Variants in LTA4H observed in about 807,000 individuals in gnomAD.
LTA4H encodes leukotriene A-4 hydrolase.
LTA4H carries 59 observed loss-of-function variants against 89.8 expected under a neutral mutation model. That is an observed-to-expected ratio of 0.66 (90% CI 0.53 to 0.82). The LOEUF (loss-of-function observed/expected upper bound fraction) is 0.82, where lower values mean the gene tolerates loss of function less well. Among genes scored for constraint, LTA4H ranks in the 40% least tolerant of loss-of-function variants. The probability of loss-of-function intolerance (pLI) is 0.00; values close to 1 mark genes in which losing one functional copy is unlikely to be tolerated. For synonymous variants in LTA4H, 227 were observed against 253.1 expected, an observed-to-expected ratio of 0.90 and a Z score of 0.98; for missense variants, 617 against 727.0, an observed-to-expected ratio of 0.85 and a Z score of 1.74.
rs755739419 is a variant in LTA4H, at chr12:96,035,405, C to G, written c.115G>C (p.Ala39Pro). ...TCCTGAGACTGGACCGTGAGAGCAG[C>G]AGTCCCGGTCAGCGTCCGGCGAGTA... ...DFTRRTLTGT[A>P]ALTVQSQEDN... The change falls in exon 1 of 19, where the codon GCT (alanine) becomes CCT (proline). Residue 39 changes from alanine to proline, a missense_variant. By Grantham distance (27) the Ala-to-Pro change is conservative. Coordinates refer to ENST00000228740, the MANE Select transcript of LTA4H (RefSeq NM_000895.3). 1.9e-6 allele frequency: 3 copies of G among 1,611,264 alleles called. No homozygotes were observed. The highest frequency in any genetic ancestry group is 8.5e-7 in the Non-Finnish European group (1 of 1,178,860).
rs760236907 is a variant in LTA4H at position 96,024,551 on chromosome 12, A to G, written c.412-4T>C. The G allele has an allele frequency of 6.3e-7, 1 of 1,589,872 alleles. No individual in the cohort carries two copies. The highest frequency in any genetic ancestry group is 8.6e-7 in the Non-Finnish European group (1 of 1,159,468). ...GGATTGCTCTGCAGTGGATGGCCTG[A>G]AAAAGGGAGAAACAAGAAGAAATAG... On this transcript the variant is annotated splice_polypyrimidine_tract_variant and splice_region_variant and intron_variant, in intron 3 of 18. Coordinates refer to ENST00000228740, the MANE Select transcript of LTA4H (RefSeq NM_000895.3).
rs937243299 is a variant in LTA4H at position 96,018,667 on chromosome 12, G to A, written c.852+96C>T. ...CATATATACATTATTAGGACTCTAA[G>A]GTTCTTTACATATATATACATATTA... On this transcript the variant is annotated intron_variant, in intron 8 of 18. Transcript: ENST00000228740. The A allele has an allele frequency of 4.4e-5, 34 of 779,704 alleles. No homozygotes were observed. The East Asian group carries it at 1.0e-3, about 23-fold the overall frequency. 48.3% of individuals were successfully genotyped at this position (779,704 alleles called of 1,614,324 possible). A position where few individuals can be genotyped will look rare whatever the true frequency, so the allele number is the denominator to read the frequency against.
At chr12:96,040,908 G>A (rs548718905) in intron 1 of LTA4H, among the ~76,000 whole-genome samples, 1 of 152,270 alleles carries the variant, frequency 6.6e-6, no homozygotes, top group East Asian at 1.9e-4. Context: ...CATTATCGTG[G>A]ACAGATCTTT....
chr12:96,016,915 C>T, intron 10 of LTA4H, 129 bp downstream of exon 10: 1 of 673,464 alleles, frequency 1.5e-6, no homozygotes, highest in Non-Finnish European at 2.6e-6. Context: ...AAAAAAAAAT[C>T]CTTGCCTACC....
Position 96,018,756 on chromosome 12 carries a change from C to T in LTA4H, c.852+7G>A, listed in dbSNP as rs760143541. ...TCAATTTCAAATGAAGAAACATTTA[C>T]ACTTACCAGTAGAGTAGGAGTTACA... On this transcript the variant is annotated splice_region_variant and intron_variant, in intron 8 of 18. Coordinates refer to ENST00000228740, the MANE Select transcript of LTA4H (RefSeq NM_000895.3). 1.6e-5 allele frequency: 24 copies of T among 1,540,874 alleles called. No individual in the cohort carries two copies. The highest frequency in any genetic ancestry group is 1.1e-4 in the Admixed American group (5 of 43,516).
chr12:96,031,682 G>A (rs571646154), intron 1 of LTA4H, among the ~76,000 whole-genome samples: 4 of 152,162 alleles, frequency 2.6e-5, no homozygotes, highest in Non-Finnish European at 2.9e-5. Context: ...GCACAGGCTG[G>A]TAGGAAGCTC....
intron 2 of LTA4H, among the ~76,000 whole-genome samples, chr12:96,028,669 T>C (rs1176669297): frequency 6.6e-6 from 1 of 152,210 alleles, no homozygotes; most frequent in African/African-American, 2.4e-5. Context: ...GGCATTATCA[T>C]TGTCCCATTA....
intron 14 of LTA4H, chr12:96,011,718 T>A (rs1950303968): frequency 6.6e-6 from 1 of 152,206 alleles, no homozygotes; most frequent in Non-Finnish European, 1.5e-5. Flanking sequence ...TTATTACATC[T>A]CTGCTCAGTC....
At position 96,035,238 on chromosome 12, in the gene LTA4H, G is replaced by A. The variant is rs368643848; in HGVS notation, c.159+123C>T. The A allele has an allele frequency of 6.1e-5, 59 of 960,288 alleles. No homozygotes were observed. In the East Asian group the frequency reaches 1.2e-3, roughly 20 times the overall value. The allele number at this position is 960,288 out of a possible 1,614,324, so 59.5% of individuals were successfully genotyped here. On this transcript the variant is annotated intron_variant, in intron 1 of 18. Coordinates refer to ENST00000228740, the MANE Select transcript of LTA4H (RefSeq NM_000895.3). Reference sequence around the variant, plus strand: ...GGATGGAGGCTACAGAAGAGCAGACGGGGACGTGGGGCTAGGCAGGGGCCG... The same window carrying A: ...GGATGGAGGCTACAGAAGAGCAGACAGGGACGTGGGGCTAGGCAGGGGCCG...
chr12:96,039,107 G>A (rs191688063), upstream of LTA4H, among the ~76,000 whole-genome samples: 332 of 152,136 alleles, frequency 2.2e-3, 4 homozygotes, highest in Non-Finnish European at 3.5e-3. Context: ...GGGTAAGGCT[G>A]GGCACAGTGG....
At chr12:96,035,726 C>T (rs950666026), upstream of LTA4H, 14 of 1,321,580 alleles carry the variant, frequency 1.1e-5, no homozygotes, top group Non-Finnish European at 1.1e-5. Context: ...GCGCGGCAAG[C>T]GGGCGCTTGG....
At chr12:96,012,481 G>A (rs1303417244) in intron 14 of LTA4H, 1 of 152,544 alleles carries the variant, frequency 6.6e-6, no homozygotes, top group African/African-American at 2.4e-5. Context: ...GGAGACAAAG[G>A]CAGGTGGATT....
Position 96,018,811 on chromosome 12 carries a change from A to G in LTA4H, c.804T>C (p.Tyr268=), listed in dbSNP as rs149942316. 1,797 of 1,604,516 alleles carry G rather than the reference A, an allele frequency of 1.1e-3. 15 individuals carry two copies. The African/African-American group carries it at 0.021, about 19-fold the overall frequency. ...DLLVLPPSFP[Y]GGMENPCLTF... ...TAAGGCAAGGATTCTCCATGCCACC[A>G]TAAGGGAAGGATGGTGGCAGGACCA... Residue 268 remains tyrosine, a synonymous_variant, in exon 8 of 19, where the codon TAT becomes TAC. Coordinates refer to ENST00000228740, the MANE Select transcript of LTA4H (RefSeq NM_000895.3).
At chr12:96,025,678 T>G (rs1048232241) in intron 3 of LTA4H, among the ~76,000 whole-genome samples, 2 of 151,780 alleles carry the variant, frequency 1.3e-5, no homozygotes, top group Non-Finnish European at 2.9e-5. Context: ...ACAAAAAAAA[T>G]TAGCTGGGCA....
At chr12:96,010,874 T>C (rs1479815753) in intron 14 of LTA4H, 1 of 152,090 alleles carries the variant, frequency 6.6e-6, no homozygotes, top group Non-Finnish European at 1.5e-5. Context: ...AATGGAGAGA[T>C]GTGGATAGAC....
At position 96,022,659 on chromosome 12, in the gene LTA4H, TA is replaced by T. The variant is rs1326569924; in HGVS notation, c.481-409del. Among the ~76,000 whole-genome samples, 3 of 152,126 alleles carry T rather than the reference TA, an allele frequency of 2.0e-5. No individual in the cohort carries two copies. Among genetic ancestry groups the T allele is most frequent in the Non-Finnish European group, 4.4e-5 (3 of 68,012 alleles). On this transcript the variant is annotated intron_variant, in intron 4 of 18. Coordinates refer to ENST00000228740, the MANE Select transcript of LTA4H (RefSeq NM_000895.3). The surrounding 1 kb of genome is among the most constrained non-coding windows in gnomAD (Gnocchi z 4.0). ...TTAAAATCCCAGCTCTGCCACCTAA[TA>T]ACTAACTGCACAAACTTGGGCAAAT...
chr12:96,026,272 T>C lies in LTA4H; in HGVS notation c.411+1172A>G, dbSNP rs1950512277. Among the ~76,000 whole-genome samples the C allele has an allele frequency of 3.3e-5, 5 of 152,326 alleles. No homozygotes were observed. The South Asian group carries it at 1.0e-3, about 32-fold the overall frequency. ...AAGGCCAAACCCAGGCAAATATGCA[T>C]ACAGAACAACCGTAAGCAAATTCAT... On this transcript the variant is annotated intron_variant, in intron 3 of 18. Coordinates refer to ENST00000228740, the MANE Select transcript of LTA4H (RefSeq NM_000895.3).
At chr12:96,003,956 C>T in intron 16 of LTA4H, 36 bp from the exon 17 acceptor site, 1 of 1,294,434 alleles carries the variant, frequency 7.7e-7, no homozygotes, top group Non-Finnish European at 1.1e-6. Context: ...CGTATCATTT[C>T]AACAGGATTC....
intron 1 of LTA4H, among the ~76,000 whole-genome samples, chr12:96,032,193 A>T (rs1950581647): frequency 6.6e-6 from 1 of 152,260 alleles, no homozygotes; most frequent in African/African-American, 2.4e-5. Flanking sequence ...TGGAGGATCA[A>T]ACTTCAGTGT....
Sources: gnomAD v4.1 joint callset for allele counts (sites outside exome capture counted in the v4.1 genomes callset) on GRCh38, gnomAD v4.1.1 for gene constraint, Gnocchi (gnomAD v3.1) non-coding constraint, MANE v1.5 for transcripts, NCBI Gene and HGNC (gene_info 2026-07-23, HGNC 2026-07-21) for gene names.